The following KCNJ6 variants were observed in gnomAD, a reference collection of about 807,000 sequenced individuals.
KCNJ6 encodes the protein G protein-activated inward rectifier potassium channel 2.
KCNJ6 carries 9 observed loss-of-function variants against 34.2 expected under a neutral mutation model. The ratio of observed to expected loss-of-function variants is 0.26; its 90% CI spans 0.16 to 0.46. The LOEUF (loss-of-function observed/expected upper bound fraction) is 0.46, where lower values mean the gene tolerates loss of function less well. KCNJ6 is among the 20% of genes least tolerant of loss of function. The pLI, the probability that KCNJ6 is intolerant of heterozygous loss-of-function variation, is 1.00. For synonymous variants in KCNJ6, 196 were observed against 207.1 expected (o/e 0.95, Z 0.46); for missense variants, 236 against 531.3 (o/e 0.44, Z 5.46).
intron 3 of KCNJ6, among the ~76,000 whole-genome samples, chr21:37,665,925 CAG>C (rs1206476120): frequency 6.6e-6 from 1 of 152,140 alleles, no homozygotes; most frequent in African/African-American, 2.4e-5. Flanking sequence ...GAGCTGGGGG[CAG>C]AGAGTGGCCT....
chr21:37,902,662 T>A (rs1199368982), intron 1 of KCNJ6, among the ~76,000 whole-genome samples: 1 of 152,112 alleles, frequency 6.6e-6, no homozygotes, highest in Non-Finnish European at 1.5e-5. Flanking sequence ...GCAAAGAAGT[T>A]TGCATCTGGC....
In KCNJ6 at chr21:37,618,013, C is replaced by A. The variant is rs1379839767; in HGVS notation, c.*7146G>T. The stretch of plus-strand genomic sequence containing the variant: ...CCAGACCCTGCAGGGAGAAGCTCCC[C>A]TAGAGAGACCTCAGTGGGTGGGCAT... On this transcript the variant is annotated 3_prime_UTR_variant, in exon 4 of 4. Transcript: ENST00000609713. 1.3e-5 allele frequency: 2 copies of A among 152,326 alleles called. No individual in the cohort carries two copies. The highest frequency in any genetic ancestry group is 4.8e-5 in the African/African-American group (2 of 41,450). 9.4% of individuals were successfully genotyped at this position (152,326 alleles called of 1,614,324 possible).
intron 2 of KCNJ6, among the ~76,000 whole-genome samples, chr21:37,764,765 G>A (rs942313856): frequency 7.2e-5 from 11 of 152,196 alleles, no homozygotes; most frequent in African/African-American, 2.7e-4. Context: ...TGGGTGTTTG[G>A]TCATCCCGTG....
intron 3 of KCNJ6, among the ~76,000 whole-genome samples, chr21:37,642,703 T>C (rs534178852): frequency 6.6e-6 from 1 of 152,238 alleles, no homozygotes; most frequent in South Asian, 2.1e-4. Context: ...AGAAAGGCTC[T>C]GTTTGAGTGG....
intron 3 of KCNJ6, among the ~76,000 whole-genome samples, chr21:37,669,577 T>TTG (rs35169360): frequency 0.099 from 14,760 of 148,864 alleles, 2,052 homozygotes; most frequent in African/African-American, 0.32. Flanking sequence ...TCTGTGTGTG[T>TTG]TGTGTGTGTG....
intron 3 of KCNJ6, among the ~76,000 whole-genome samples, chr21:37,708,450 A>T (rs563240198): frequency 6.6e-6 from 1 of 152,350 alleles, no homozygotes; most frequent in African/African-American, 2.4e-5. Flanking sequence ...GATATATTAT[A>T]ATGAGATAGA....
chr21:37,751,487 A>G (rs1024448297), intron 2 of KCNJ6, among the ~76,000 whole-genome samples: 3 of 152,136 alleles, frequency 2.0e-5, no homozygotes, highest in African/African-American at 7.2e-5. Flanking sequence ...ACGTAAGAGC[A>G]CCCTGGGAAT....
Position 37,819,021 on chromosome 21 carries a change from C to A in KCNJ6, c.25+21637G>T, listed in dbSNP as rs548865392. Among the ~76,000 whole-genome samples the A allele has an allele frequency of 9.9e-5, 15 of 152,224 alleles. No individual in the cohort carries two copies. The South Asian group carries it at 3.1e-3, about 32-fold the overall frequency. On this transcript the variant is annotated intron_variant, in intron 2 of 3. Transcript: ENST00000609713. ...ATTTTCCACAGGTATATTACTTCAC[C>A]CCTAGAACTCTTTTTGTATCATTAT...
intron 1 of KCNJ6, among the ~76,000 whole-genome samples, chr21:37,906,738 G>T (rs1006577009): frequency 6.6e-6 from 1 of 152,134 alleles, no homozygotes; most frequent in Non-Finnish European, 1.5e-5. Flanking sequence ...AACACTCCTT[G>T]AGTGCTGATT....
chr21:37,613,169 AAAAC>A lies in KCNJ6; in HGVS notation c.*11986_*11989del, dbSNP rs1388715511. On this transcript the variant is annotated 3_prime_UTR_variant, in exon 4 of 4. Coordinates refer to ENST00000609713, the MANE Select transcript of KCNJ6 (RefSeq NM_002240.5). ...CTCACCAAAGAAGATGTACAGATGG[AAAAC>A]AAGCATATAAAAATATGTCCCAAAT... is the stretch of plus-strand genomic sequence containing the variant. 6.6e-6 allele frequency: 1 copy of A among 152,250 alleles called. No homozygotes were observed. Among genetic ancestry groups the A allele is most frequent in the African/African-American group, 2.4e-5 (1 of 41,474 alleles). The allele number at this position is 152,250 out of a possible 1,614,324, so 9.4% of individuals were successfully genotyped here. A position where few individuals can be genotyped will look rare whatever the true frequency, so the allele number is the denominator to read the frequency against.
chr21:37,886,932 G>GTTT (rs548644272), intron 1 of KCNJ6, among the ~76,000 whole-genome samples: 1 of 127,038 alleles, frequency 7.9e-6, no homozygotes, highest in African/African-American at 2.9e-5. Flanking sequence ...ATCCAACCTT[G>GTTT]TTTTTTTTTT....
chr21:37,778,080 C>G (rs373686488), intron 2 of KCNJ6, among the ~76,000 whole-genome samples: 1 of 152,260 alleles, frequency 6.6e-6, no homozygotes, highest in South Asian at 2.1e-4. Context: ...TGACCTGAAG[C>G]GTTCAGGCAT....
intron 1 of KCNJ6, among the ~76,000 whole-genome samples, chr21:37,875,267 G>A (rs999576299): frequency 7.2e-5 from 11 of 152,174 alleles, no homozygotes; most frequent in Non-Finnish European, 1.5e-4. Flanking sequence ...AAAAAGAATT[G>A]AAAAGCAGAA....
At chr21:37,880,168 T>C (rs918482367) in intron 1 of KCNJ6, among the ~76,000 whole-genome samples, 18 of 151,520 alleles carry the variant, frequency 1.2e-4, no homozygotes, top group African/African-American at 3.6e-4. Context: ...TCCCAGTTAC[T>C]CGGGAGACTG....
intron 2 of KCNJ6, among the ~76,000 whole-genome samples, chr21:37,779,227 C>T (rs1454171003): frequency 6.6e-6 from 1 of 152,114 alleles, no homozygotes; most frequent in Non-Finnish European, 1.5e-5. Flanking sequence ...CTAGAAGAGT[C>T]CTGTGAGGTG....
At chr21:37,821,263 C>T (rs961852370) in intron 2 of KCNJ6, among the ~76,000 whole-genome samples, 2 of 152,210 alleles carry the variant, frequency 1.3e-5, no homozygotes, top group Non-Finnish European at 2.9e-5. Flanking sequence ...ACGTTACCTA[C>T]ATTGTTGCAC....
rs530737227 is a variant in KCNJ6 at position 37,832,089 on chromosome 21, TTAGACAA to T, written c.25+8562_25+8568del. Among the ~76,000 whole-genome samples, 1,289 of 152,216 alleles carry T rather than the reference TTAGACAA, an allele frequency of 8.5e-3. 8 individuals are homozygous for T. Among genetic ancestry groups the T allele is most frequent in the Non-Finnish European group, 0.014 (943 of 68,030 alleles). On this transcript the variant is annotated intron_variant, in intron 2 of 3. Transcript: ENST00000609713. The stretch of plus-strand genomic sequence containing the variant: ...TGGGTGGTTGTCACTGCAGAGCTCA[TTAGACAA>T]TAATCAGAAATAAAACATCACAGCC...
intron 2 of KCNJ6, among the ~76,000 whole-genome samples, chr21:37,826,063 C>A (rs1467700181): frequency 6.6e-6 from 1 of 152,136 alleles, no homozygotes; most frequent in African/African-American, 2.4e-5. Context: ...AGCACTGTGA[C>A]CCCTTTCTCT....
rs138320142 is a variant in KCNJ6 at position 37,671,488 on chromosome 21, T to A, written c.946+42723A>T. On this transcript the variant is annotated intron_variant, in intron 3 of 3. Transcript: ENST00000609713. ...AATTATATCCTTTATAATAAATGGG[T>A]AGGTGTAAGTAGAGTGGTTCCCTGA... 3.4e-3 allele frequency among the ~76,000 whole-genome samples: 513 copies of A among 152,356 alleles called. 2 individuals are homozygous for A. Among genetic ancestry groups the A allele is most frequent in the African/African-American group, 0.01 (426 of 41,590 alleles).
Sources: gnomAD v4.1 joint callset for allele counts (sites outside exome capture counted in the v4.1 genomes callset) on GRCh38, gnomAD v4.1.1 for gene constraint, MANE v1.5 for transcripts, NCBI Gene and HGNC (gene_info 2026-07-23, HGNC 2026-07-21) for gene names.